The following PLCE1 variants were observed in gnomAD, a reference collection of about 807,000 sequenced individuals.
PLCE1 encodes phospholipase C epsilon 1.
Under a neutral mutation model 242.8 loss-of-function variants are expected in PLCE1, and 119 were observed. The observed-to-expected ratio is 0.49, with a 90% CI of 0.42 to 0.57. The LOEUF is 0.57. Ranked by LOEUF, PLCE1 falls within the 20% of genes least tolerant of loss-of-function variation. PLCE1 has a pLI of 0.00. For missense variants in PLCE1, 2,441 were observed against 2,788.8 expected (o/e 0.88, Z 2.81); for synonymous variants, 945 against 1,017.4 (o/e 0.93, Z 1.35).
chr10:94,004,451 G>A (rs998679652), intron 1 of PLCE1, among the ~76,000 whole-genome samples: 1 of 152,194 alleles, frequency 6.6e-6, no homozygotes, highest in African/African-American at 2.4e-5. Flanking sequence ...AAAAGAGAAA[G>A]CAGATATAAA....
intron 1 of PLCE1, among the ~76,000 whole-genome samples, chr10:94,022,597 T>C (rs910471590): frequency 3.3e-5 from 5 of 152,108 alleles, no homozygotes; most frequent in East Asian, 3.8e-4. Context: ...AGAATTGATA[T>C]ATTGATTTAA....
rs566206011 is a variant in PLCE1, at chr10:94,306,958, C to A, written c.5884+270C>A. Among the ~76,000 whole-genome samples the A allele has an allele frequency of 2.0e-5, 3 of 152,308 alleles. No individual in the cohort carries two copies. In the East Asian group the frequency reaches 5.8e-4, roughly 29 times the overall value. On this transcript the variant is annotated intron_variant, in intron 26 of 32. Coordinates refer to ENST00000371380, the MANE Select transcript of PLCE1 (RefSeq NM_016341.4). The surrounding 1 kb of genome is among the most constrained non-coding windows in gnomAD (Gnocchi z 5.7). ...CTGATGTCAGGAGCAGTGGTTGTTG[C>A]TACCCACGGCACTGCTGGCAGTTTG...
At chr10:94,047,065 G>A (rs1185764643) in intron 2 of PLCE1, among the ~76,000 whole-genome samples, 1 of 152,044 alleles carries the variant, frequency 6.6e-6, no homozygotes, top group African/African-American at 2.4e-5. Flanking sequence ...AGTGGGTTTT[G>A]TATACCAACT....
At chr10:94,096,992 A>G (rs1046681200) in intron 2 of PLCE1, 8 of 152,196 alleles carry the variant, frequency 5.3e-5, no homozygotes, top group African/African-American at 1.9e-4. Context: ...GGCACAAGGT[A>G]TTGTGGCTTC....
At chr10:94,144,040 ATGT>A (rs2047045630) in intron 3 of PLCE1, among the ~76,000 whole-genome samples, 1 of 152,180 alleles carries the variant, frequency 6.6e-6, no homozygotes, top group Non-Finnish European at 1.5e-5. Context: ...TTTCAAATAG[ATGT>A]TGTTGTGGAT....
intron 1 of PLCE1, among the ~76,000 whole-genome samples, chr10:94,017,279 C>T (rs1320970032): frequency 6.6e-6 from 1 of 152,144 alleles, no homozygotes; most frequent in Non-Finnish European, 1.5e-5. Flanking sequence ...AGATTAAGCA[C>T]TTTAAAAAAC....
Position 94,284,384 on chromosome 10 carries a change from A to G in PLCE1, c.4918-464A>G, listed in dbSNP as rs77654713. Reference sequence around the variant, plus strand: ...TTAAAGGCATTTGGGATGACCAAGAAGATAAACGGGCCAGATAGCAGAGGA... The same window carrying G: ...TTAAAGGCATTTGGGATGACCAAGAGGATAAACGGGCCAGATAGCAGAGGA... On this transcript the variant is annotated intron_variant, in intron 21 of 32. Coordinates refer to ENST00000371380, the MANE Select transcript of PLCE1 (RefSeq NM_016341.4). 5.1e-3 allele frequency among the ~76,000 whole-genome samples: 781 copies of G among 152,322 alleles called. 8 individuals are homozygous for G. The highest frequency in any genetic ancestry group is 0.015 in the African/African-American group (631 of 41,576).
chr10:94,033,816 A>G (rs1406950915), intron 2 of PLCE1, among the ~76,000 whole-genome samples: 1 of 152,122 alleles, frequency 6.6e-6, no homozygotes, highest in Non-Finnish European at 1.5e-5. Flanking sequence ...AATTTTTCAT[A>G]AGTCCTTTAA....
intron 2 of PLCE1, among the ~76,000 whole-genome samples, chr10:94,073,812 C>CT: frequency 6.6e-6 from 1 of 152,206 alleles, no homozygotes; most frequent in Non-Finnish European, 1.5e-5. Context: ...GGGAAGAAGG[C>CT]TTTAATCGGT....
chr10:94,090,408 A>G (rs1055573950), intron 2 of PLCE1, among the ~76,000 whole-genome samples: 1 of 152,188 alleles, frequency 6.6e-6, no homozygotes, highest in Non-Finnish European at 1.5e-5. Context: ...TTCCTTCTAC[A>G]ACCCTGAGAG....
chr10:94,045,457 G>A (rs184206486), intron 2 of PLCE1, among the ~76,000 whole-genome samples: 170 of 152,202 alleles, frequency 1.1e-3, no homozygotes, highest in Non-Finnish European at 1.7e-3. Context: ...CTATAATCAC[G>A]TTCAGTCCCT....
At chr10:93,998,814 A>T (rs1455038869) in intron 1 of PLCE1, among the ~76,000 whole-genome samples, 2 of 152,214 alleles carry the variant, frequency 1.3e-5, no homozygotes, top group Non-Finnish European at 2.9e-5. Context: ...ACTTTACGTG[A>T]CAAAAGGGAC....
chr10:94,186,279 C>T (rs2048477506), intron 4 of PLCE1, among the ~76,000 whole-genome samples: 1 of 152,168 alleles, frequency 6.6e-6, no homozygotes. Context: ...TTGCTTTTCT[C>T]TATTAGCTCT....
chr10:94,308,328 C>T (rs566681170), intron 26 of PLCE1, among the ~76,000 whole-genome samples: 16 of 152,308 alleles, frequency 1.1e-4, no homozygotes, highest in African/African-American at 3.8e-4. Flanking sequence ...GGTTTTCCTA[C>T]TAGATCAGGT....
Position 94,270,535 on chromosome 10 carries a change from C to A in PLCE1, c.4439C>A (p.Pro1480Gln), listed in dbSNP as rs991464575. Residue 1480 changes from proline to glutamine, a missense_variant, in exon 18 of 33, where the codon CCA becomes CAA. This residue lies in a region of PLCE1 where 1,004 missense variants were observed against 1,322.7 expected (regional missense o/e 0.76). Coordinates refer to ENST00000371380, the MANE Select transcript of PLCE1 (RefSeq NM_016341.4). ...AGTGCCTTCATCAACTCTGACCTGC[C>A]AATCATCATATCGATTGAGAACCAC... The part of the protein sequence containing the change: ...DRSAFINSDL[P>Q]IIISIENHCS... 3 of 1,614,022 alleles carry A rather than the reference C, an allele frequency of 1.9e-6. No individual in the cohort carries two copies. Among genetic ancestry groups the A allele is most frequent in the Non-Finnish European group, 2.5e-6 (3 of 1,179,912 alleles).
At chr10:94,059,375 G>A (rs1469808228) in intron 2 of PLCE1, among the ~76,000 whole-genome samples, 2 of 152,194 alleles carry the variant, frequency 1.3e-5, no homozygotes, top group African/African-American at 4.8e-5. Flanking sequence ...AAATGTAGAG[G>A]AAGGGTTATT....
intron 3 of PLCE1, among the ~76,000 whole-genome samples, chr10:94,162,165 T>C (rs1455236942): frequency 2.0e-5 from 3 of 152,200 alleles, no homozygotes; most frequent in Non-Finnish European, 4.4e-5. Flanking sequence ...ATGATGCTGG[T>C]CTCATAAAAT....
chr10:94,253,259 C>A (rs1389534135), intron 9 of PLCE1, among the ~76,000 whole-genome samples: 1 of 152,148 alleles, frequency 6.6e-6, no homozygotes, highest in African/African-American at 2.4e-5. Flanking sequence ...CTGGTGACAG[C>A]CTCCGGAAGC....
intron 2 of PLCE1, among the ~76,000 whole-genome samples, chr10:94,130,188 T>C (rs1295580654): frequency 6.6e-6 from 1 of 152,212 alleles, no homozygotes; most frequent in Non-Finnish European, 1.5e-5. Flanking sequence ...AATAAAACTA[T>C]GTCTTGAGAT....
Sources: gnomAD v4.1 joint callset for allele counts (sites outside exome capture counted in the v4.1 genomes callset) on GRCh38, gnomAD v4.1.1 for gene constraint, gnomAD v4.1.1 regional missense constraint, Gnocchi (gnomAD v3.1) non-coding constraint, MANE v1.5 for transcripts, NCBI Gene and HGNC (gene_info 2026-07-23, HGNC 2026-07-21) for gene names.